ZFYVE9: variants seen among roughly 807,000 people sequenced by gnomAD.
ZFYVE9 encodes zinc finger FYVE domain-containing protein 9.
In ZFYVE9, 43 loss-of-function variants were observed where a neutral mutation model predicts 126.7. That is an observed-to-expected ratio of 0.34 (90% CI 0.27 to 0.44). The LOEUF (loss-of-function observed/expected upper bound fraction) is 0.44, where lower values mean the gene tolerates loss of function less well. Ranked by LOEUF, ZFYVE9 falls within the 20% of genes least tolerant of loss-of-function variation. The pLI, the probability that ZFYVE9 is intolerant of heterozygous loss-of-function variation, is 1.00. For missense variants in ZFYVE9, 1,476 were observed against 1,697.0 expected (o/e 0.87, Z 2.29); for synonymous variants, 521 against 597.4 (o/e 0.87, Z 1.87).
intron 14 of ZFYVE9, 110 bp downstream of exon 14, chr1:52,333,028 A>T: frequency 1.5e-6 from 2 of 1,370,372 alleles, no homozygotes; most frequent in South Asian, 1.3e-5. Context: ...GACCACAAAC[A>T]AATTAATTAA....
At chr1:52,310,834 G>A (rs545360506) in intron 13 of ZFYVE9, among the ~76,000 whole-genome samples, 74 of 152,278 alleles carry the variant, frequency 4.9e-4, no homozygotes, top group African/African-American at 1.5e-3. Flanking sequence ...TACCTCTGGG[G>A]CATTTCCTAA....
chr1:52,187,274 T>C (rs189336550), intron 1 of ZFYVE9, among the ~76,000 whole-genome samples: 1 of 152,284 alleles, frequency 6.6e-6, no homozygotes, highest in African/African-American at 2.4e-5. Flanking sequence ...ATGCAGAAGA[T>C]TGAAGCTGGA....
At chr1:52,314,688 C>T (rs1012500706) in intron 13 of ZFYVE9, among the ~76,000 whole-genome samples, 3 of 152,076 alleles carry the variant, frequency 2.0e-5, no homozygotes, top group South Asian at 2.1e-4. Context: ...GGTGTGGTGG[C>T]GCGCGCCTCT....
chr1:52,292,850 C>A (rs1258182377), intron 10 of ZFYVE9, among the ~76,000 whole-genome samples: 1 of 151,924 alleles, frequency 6.6e-6, no homozygotes, highest in Non-Finnish European at 1.5e-5. Flanking sequence ...TACAGTTTAA[C>A]CAAGGAAGGC....
chr1:52,226,616 CT>C (rs1645172825), intron 2 of ZFYVE9, among the ~76,000 whole-genome samples: 1 of 152,210 alleles, frequency 6.6e-6, no homozygotes, highest in Admixed American at 6.5e-5. Flanking sequence ...CCCTTACTAT[CT>C]GCCTAAGTGA....
intron 1 of ZFYVE9, among the ~76,000 whole-genome samples, chr1:52,186,597 A>G (rs574236184): frequency 1.3e-5 from 2 of 152,340 alleles, no homozygotes; most frequent in East Asian, 3.9e-4. Flanking sequence ...AAGCTCCTTC[A>G]GCTGATAGCT....
chr1:52,254,632 G>A (rs1398916043), intron 4 of ZFYVE9, among the ~76,000 whole-genome samples: 3 of 152,114 alleles, frequency 2.0e-5, no homozygotes, highest in Admixed American at 2.0e-4. Flanking sequence ...GTATTTTAGT[G>A]TTACTAAATA....
At chr1:52,295,777 T>G in intron 11 of ZFYVE9, 118 bp from the exon 12 acceptor site, 3 of 787,252 alleles carry the variant, frequency 3.8e-6, no homozygotes, top group Non-Finnish European at 6.0e-6. Context: ...AGCCCAAAAT[T>G]TGATATGTTC....
At chr1:52,175,666 T>C (rs1048888795) in intron 1 of ZFYVE9, among the ~76,000 whole-genome samples, 38 of 152,206 alleles carry the variant, frequency 2.5e-4, no homozygotes, top group Admixed American at 2.0e-4. Flanking sequence ...TTTGGTCTTT[T>C]CACATAGTCC....
At chr1:52,264,571 G>T (rs1216984558) in intron 5 of ZFYVE9, among the ~76,000 whole-genome samples, 1 of 152,130 alleles carries the variant, frequency 6.6e-6, no homozygotes, top group South Asian at 2.1e-4. Flanking sequence ...CACTAAAATT[G>T]TTCAGGTTAT....
chr1:52,148,461 C>G (rs917544015), intron 1 of ZFYVE9, among the ~76,000 whole-genome samples: 2 of 151,688 alleles, frequency 1.3e-5, no homozygotes, highest in Non-Finnish European at 2.9e-5. Context: ...GCACTCCAGC[C>G]TGGGCAAGAA....
At chr1:52,229,003 C>T (rs1030962670) in intron 2 of ZFYVE9, among the ~76,000 whole-genome samples, 4 of 151,870 alleles carry the variant, frequency 2.6e-5, no homozygotes, top group African/African-American at 7.3e-5. Flanking sequence ...GATTCTCCTA[C>T]CTCAACCTCT....
intron 2 of ZFYVE9, among the ~76,000 whole-genome samples, chr1:52,229,072 C>G (rs1645194694): frequency 6.6e-6 from 1 of 151,968 alleles, no homozygotes; most frequent in Non-Finnish European, 1.5e-5. Context: ...TGATGTTGCC[C>G]AGGCTGCTCT....
intron 8 of ZFYVE9, among the ~76,000 whole-genome samples, chr1:52,277,359 C>T (rs182721945): frequency 6.6e-6 from 1 of 152,050 alleles, no homozygotes; most frequent in East Asian, 1.9e-4. Context: ...TGTTGGATTC[C>T]ATTTTCATAA....
chr1:52,280,864 T>A (rs183367736), intron 9 of ZFYVE9, among the ~76,000 whole-genome samples: 9 of 152,212 alleles, frequency 5.9e-5, no homozygotes, highest in Non-Finnish European at 1.3e-4. Context: ...TTCCTTTAGG[T>A]CACAACCTGA....
At chr1:52,340,355 G>T (rs979189950) in intron 17 of ZFYVE9, 124 bp downstream of exon 17, 1 of 690,318 alleles carries the variant, frequency 1.4e-6, no homozygotes, top group South Asian at 1.9e-5. Context: ...AATCTTTCTC[G>T]TTTATACTAC....
intron 4 of ZFYVE9, among the ~76,000 whole-genome samples, chr1:52,240,718 C>T (rs1377076633): frequency 1.3e-5 from 2 of 152,148 alleles, no homozygotes; most frequent in African/African-American, 2.4e-5. Flanking sequence ...CTGACAACTT[C>T]CTAAGCACAA....
In ZFYVE9 at chr1:52,200,026, G is replaced by GTT. The variant is rs35432772; in HGVS notation, c.-142-16331_-142-16330dup. ...GGTCTTTGGCCTGTTTTTTGATCCA[G>GTT]TTTTTTTTTTTTTATTATTGTTTTA... On this transcript the variant is annotated intron_variant, in intron 1 of 18. Transcript: ENST00000287727. Among the ~76,000 whole-genome samples, 458 of 145,486 alleles carry GTT rather than the reference G, an allele frequency of 3.1e-3. 5 individuals are homozygous for GTT. The highest frequency in any genetic ancestry group is 9.9e-3 in the South Asian group (46 of 4,656).
chr1:52,219,929 C>T (rs1290530836), intron 2 of ZFYVE9, among the ~76,000 whole-genome samples: 1 of 151,986 alleles, frequency 6.6e-6, no homozygotes, highest in Non-Finnish European at 1.5e-5. Flanking sequence ...AGGCACCAGC[C>T]ACCACGCCCG....
Sources: allele counts gnomAD v4.1 joint callset (sites outside exome capture counted in the v4.1 genomes callset), GRCh38; gene constraint gnomAD v4.1.1; transcripts MANE v1.5; gene names NCBI Gene and HGNC (gene_info 2026-07-23, HGNC 2026-07-21).